The following ADARB2 variants were observed in gnomAD, a reference collection of about 807,000 sequenced individuals.
The protein encoded by ADARB2 is adenosine deaminase RNA specific B2 (inactive), also known as inactive double-stranded RNA-specific editase B2.
In ADARB2, 25 loss-of-function variants were observed where a neutral mutation model predicts 62.2. That is an observed-to-expected ratio of 0.40 (90% CI 0.29 to 0.56). ADARB2 has a LOEUF of 0.56. Among genes scored for constraint, ADARB2 ranks in the 20% least tolerant of loss-of-function variants. The pLI is 0.43. For synonymous variants in ADARB2, 572 were observed against 500.8 expected, an observed-to-expected ratio of 1.14 and a Z score of -1.90; for missense variants, 1,071 against 1,077.4, an observed-to-expected ratio of 0.99 and a Z score of 0.08.
chr10:1,692,515 G>C (rs1278567998), intron 1 of ADARB2, among the ~76,000 whole-genome samples: 1 of 152,206 alleles, frequency 6.6e-6, no homozygotes, highest in African/African-American at 2.4e-5. Flanking sequence ...TTTGCTCAAG[G>C]CATAGAATGT....
chr10:1,307,576 C>G (rs1461072086), intron 3 of ADARB2, among the ~76,000 whole-genome samples: 36 of 143,690 alleles, frequency 2.5e-4, no homozygotes, highest in African/African-American at 6.9e-4. Flanking sequence ...CATCCCATTA[C>G]TGGGTATATA....
chr10:1,263,939 A>G (rs938605650), intron 4 of ADARB2, among the ~76,000 whole-genome samples: 9 of 152,210 alleles, frequency 5.9e-5, no homozygotes, highest in African/African-American at 2.2e-4. Context: ...GTCAGCATTC[A>G]CACTACGCAA....
chr10:1,555,867 G>A (rs1832693339), intron 1 of ADARB2, among the ~76,000 whole-genome samples: 1 of 151,070 alleles, frequency 6.6e-6, no homozygotes, highest in African/African-American at 2.4e-5. Context: ...CATGGGAGAT[G>A]GAGGTTGCAG....
At chr10:1,428,016 G>A (rs1365155551) in intron 1 of ADARB2, among the ~76,000 whole-genome samples, 8 of 151,526 alleles carry the variant, frequency 5.3e-5, no homozygotes. Context: ...CCAGGCTGGA[G>A]TGCAGTGATG....
intron 1 of ADARB2, among the ~76,000 whole-genome samples, chr10:1,392,920 G>A (rs935026614): frequency 3.3e-5 from 5 of 152,108 alleles, no homozygotes; most frequent in Non-Finnish European, 7.3e-5. Context: ...ACCGTATTTG[G>A]AGAGAGTTTC....
At chr10:1,646,888 A>T (rs1022573655) in intron 1 of ADARB2, among the ~76,000 whole-genome samples, 3 of 152,242 alleles carry the variant, frequency 2.0e-5, no homozygotes, top group Non-Finnish European at 2.9e-5. Context: ...CAGTCTTGCC[A>T]GTGCCTGCGT....
At chr10:1,692,497 G>T (rs966445984) in intron 1 of ADARB2, among the ~76,000 whole-genome samples, 3 of 152,144 alleles carry the variant, frequency 2.0e-5, no homozygotes, top group African/African-American at 7.2e-5. Context: ...AATTCAGCAG[G>T]GATAGTTTTT....
chr10:1,480,090 A>C (rs1831447835), intron 1 of ADARB2, among the ~76,000 whole-genome samples: 1 of 152,180 alleles, frequency 6.6e-6, no homozygotes, highest in Non-Finnish European at 1.5e-5. Flanking sequence ...CGAAAATTGT[A>C]CTCAATGGTA....
chr10:1,727,782 G>C (rs976685128), intron 1 of ADARB2, among the ~76,000 whole-genome samples: 3 of 152,082 alleles, frequency 2.0e-5, no homozygotes, highest in Admixed American at 2.0e-4. Context: ...AACAATAGAA[G>C]CTCAGGAGGA....
intron 1 of ADARB2, among the ~76,000 whole-genome samples, chr10:1,524,227 A>G (rs1832111536): frequency 1.3e-5 from 2 of 152,352 alleles, no homozygotes; most frequent in South Asian, 4.1e-4. Context: ...TATTTGGTGC[A>G]ATAGAGCAAA....
chr10:1,481,933 A>G (rs560162917), intron 1 of ADARB2, among the ~76,000 whole-genome samples: 1 of 152,320 alleles, frequency 6.6e-6, no homozygotes, highest in East Asian at 1.9e-4. Flanking sequence ...AACTGGCAAA[A>G]GATTTGAAGA....
chr10:1,695,283 TA>T (rs1451862226), intron 1 of ADARB2, among the ~76,000 whole-genome samples: 1 of 152,128 alleles, frequency 6.6e-6, no homozygotes, highest in Non-Finnish European at 1.5e-5. Flanking sequence ...GCCCACCGTG[TA>T]CTTTGAGAAC....
intron 5 of ADARB2, among the ~76,000 whole-genome samples, chr10:1,239,364 C>G (rs1485229067): frequency 1.6e-4 from 2 of 12,784 alleles, no homozygotes; most frequent in Non-Finnish European, 2.3e-4. Context: ...CTCCCCCTCT[C>G]CCTCCCGGTG....
chr10:1,671,311 A>T (rs1185181153), intron 1 of ADARB2, among the ~76,000 whole-genome samples: 1 of 152,086 alleles, frequency 6.6e-6, no homozygotes. Context: ...CCAGCAGAGC[A>T]CCTCACCACG....
At chr10:1,657,180 G>A (rs1834182729) in intron 1 of ADARB2, among the ~76,000 whole-genome samples, 2 of 152,064 alleles carry the variant, frequency 1.3e-5, no homozygotes, top group African/African-American at 4.8e-5. Flanking sequence ...GTCTCCAGGT[G>A]GCCAATTTCT....
At chr10:1,277,510 TG>T (rs1439450950) in intron 3 of ADARB2, among the ~76,000 whole-genome samples, 1 of 152,116 alleles carries the variant, frequency 6.6e-6, no homozygotes. Context: ...CTAGAAGAAA[TG>T]GATAAATTCC....
chr10:1,337,537 C>T lies in ADARB2; in HGVS notation c.1077+25491G>A, dbSNP rs560442506. ...TTCAGCTGACACAGGGAGGCCTCAG[C>T]AGACCGAGAAAGTGTAATTTTTTCT... is the stretch of plus-strand genomic sequence containing the variant. On this transcript the variant is annotated intron_variant, in intron 3 of 9. Transcript: ENST00000381312. Among the ~76,000 whole-genome samples the T allele has an allele frequency of 2.0e-5, 3 of 152,286 alleles. No homozygotes were observed. In the South Asian group the frequency reaches 6.2e-4, roughly 32 times the overall value.
intron 1 of ADARB2, among the ~76,000 whole-genome samples, chr10:1,608,839 T>C (rs1366566250): frequency 1.7e-5 from 2 of 120,672 alleles, no homozygotes; most frequent in East Asian, 5.7e-4. Context: ...GAAGGAAGTC[T>C]GGGAGGGAGG....
At chr10:1,574,514 G>A (rs1289402093) in intron 1 of ADARB2, among the ~76,000 whole-genome samples, 1 of 151,978 alleles carries the variant, frequency 6.6e-6, no homozygotes, top group African/African-American at 2.4e-5. Context: ...TGGGTGAACA[G>A]ACACTCCTGT....
Sources: allele counts gnomAD v4.1 joint callset (sites outside exome capture counted in the v4.1 genomes callset), GRCh38; gene constraint gnomAD v4.1.1; transcripts MANE v1.5; gene names NCBI Gene and HGNC (gene_info 2026-07-23, HGNC 2026-07-21).